ESR1: variants seen among roughly 807,000 people sequenced by gnomAD.
ESR1 encodes estrogen receptor.
In ESR1, 12 loss-of-function variants were observed where a neutral mutation model predicts 52.7. That is an observed-to-expected ratio of 0.23 (90% CI 0.15 to 0.37). ESR1 has a LOEUF of 0.37. ESR1 is among the 10% of genes least tolerant of loss of function. The pLI, the probability that ESR1 is intolerant of heterozygous loss-of-function variation, is 1.00. For missense variants in ESR1, 584 were observed against 779.7 expected (o/e 0.75, Z 2.99); for synonymous variants, 305 against 316.8 (o/e 0.96, Z 0.39).
At chr6:152,120,909 T>TA (rs1164670767) in intron 6 of ESR1, among the ~76,000 whole-genome samples, 1 of 152,190 alleles carries the variant, frequency 6.6e-6, no homozygotes, top group African/African-American at 2.4e-5. Context: ...TTTGTAAACT[T>TA]AAATACCTCT....
At chr6:152,087,407 C>T (rs1193071089) in intron 6 of ESR1, among the ~76,000 whole-genome samples, 2 of 152,198 alleles carry the variant, frequency 1.3e-5, no homozygotes, top group Admixed American at 6.5e-5. Context: ...AAATACTTCT[C>T]ATCTTGCATT....
intron 2 of ESR1, among the ~76,000 whole-genome samples, chr6:151,731,830 T>C (rs1562363307): frequency 6.6e-6 from 1 of 152,196 alleles, no homozygotes; most frequent in Non-Finnish European, 1.5e-5. Flanking sequence ...AGGTTAAATC[T>C]ACAGTTATGT....
At chr6:151,866,827 C>G (rs1311788683) in intron 2 of ESR1, among the ~76,000 whole-genome samples, 1 of 152,128 alleles carries the variant, frequency 6.6e-6, no homozygotes, top group Non-Finnish European at 1.5e-5. Context: ...ATTTATAATC[C>G]TTTGGGTATA....
chr6:151,819,811 G>A (rs77139484), intron 1 of ESR1, among the ~76,000 whole-genome samples: 1,593 of 152,202 alleles, frequency 0.01, 26 homozygotes, highest in African/African-American at 0.037. Context: ...CCATGAAACC[G>A]GTCATGGAAC....
intron 4 of ESR1, among the ~76,000 whole-genome samples, chr6:151,968,781 G>A (rs926239506): frequency 6.6e-5 from 10 of 152,156 alleles, no homozygotes; most frequent in Middle Eastern, 3.4e-3. Flanking sequence ...ATTTCCTCTC[G>A]CAGGCACACC....
intron 4 of ESR1, among the ~76,000 whole-genome samples, chr6:151,983,099 G>A (rs537966916): frequency 7.9e-5 from 12 of 152,146 alleles, no homozygotes; most frequent in South Asian, 6.2e-4. Context: ...TTCAATAGTC[G>A]CAGGTGGCCA....
At chr6:152,026,714 G>T (rs1437699851) in intron 5 of ESR1, among the ~76,000 whole-genome samples, 1 of 151,856 alleles carries the variant, frequency 6.6e-6, no homozygotes, top group African/African-American at 2.4e-5. Flanking sequence ...TTAGATTTAT[G>T]CATACTTAGT....
At chr6:151,901,450 G>T (rs1419176169) in intron 3 of ESR1, among the ~76,000 whole-genome samples, 1 of 152,070 alleles carries the variant, frequency 6.6e-6, no homozygotes, top group Non-Finnish European at 1.5e-5. Context: ...CCAAGTTCTG[G>T]CCAGGTGACT....
intron 3 of ESR1, among the ~76,000 whole-genome samples, chr6:151,923,973 G>A (rs2032200599): frequency 6.6e-6 from 1 of 152,204 alleles, no homozygotes; most frequent in Admixed American, 6.5e-5. Context: ...GTCAGCATTT[G>A]ATTTTTGTCA....
chr6:151,803,379 C>T (rs1381738463), upstream of ESR1, among the ~76,000 whole-genome samples: 2 of 152,104 alleles, frequency 1.3e-5, no homozygotes, highest in Admixed American at 6.5e-5. Flanking sequence ...ATGCTTTCCC[C>T]TGACAAGCCA....
intron 1 of ESR1, among the ~76,000 whole-genome samples, chr6:151,833,531 G>A (rs764514995): frequency 2.4e-4 from 36 of 152,090 alleles, no homozygotes; most frequent in Middle Eastern, 3.2e-3. Flanking sequence ...GGTGTGGCAG[G>A]CATGGATTTG....
intron 2 of ESR1, among the ~76,000 whole-genome samples, chr6:151,852,998 C>A (rs1583682719): frequency 1.3e-5 from 2 of 150,862 alleles, no homozygotes; most frequent in East Asian, 3.9e-4. Context: ...ATGATGAAAC[C>A]CCGTCTCTAC....
intron 1 of ESR1, among the ~76,000 whole-genome samples, chr6:151,839,519 T>C (rs62442055): frequency 0.011 from 1,671 of 152,266 alleles, 14 homozygotes; most frequent in Non-Finnish European, 0.019. Context: ...AAAATCTGGG[T>C]CTTGAAGAAA....
At chr6:151,957,085 G>A (rs371917696) in intron 4 of ESR1, among the ~76,000 whole-genome samples, 1 of 151,512 alleles carries the variant, frequency 6.6e-6, no homozygotes, top group Non-Finnish European at 1.5e-5. Flanking sequence ...CACTGTGTTA[G>A]CCAGGATGGT....
At chr6:151,754,881 G>C (rs1784162431) in intron 2 of ESR1, among the ~76,000 whole-genome samples, 1 of 152,218 alleles carries the variant, frequency 6.6e-6, no homozygotes, top group East Asian at 1.9e-4. Flanking sequence ...ATCTCCACTG[G>C]GATTTCTAAG....
intron 4 of ESR1, among the ~76,000 whole-genome samples, chr6:151,968,807 G>A (rs747067096): frequency 6.6e-5 from 10 of 152,134 alleles, no homozygotes; most frequent in South Asian, 2.1e-4. Context: ...GCTGGTGGGA[G>A]CAACTTGGGC....
At chr6:152,012,629 G>T (rs2042870548) in intron 5 of ESR1, among the ~76,000 whole-genome samples, 1 of 152,146 alleles carries the variant, frequency 6.6e-6, no homozygotes, top group South Asian at 2.1e-4. Context: ...TCTGGCTCCG[G>T]TATGCTCTGT....
intron 1 of ESR1, among the ~76,000 whole-genome samples, chr6:151,834,587 A>G (rs1050602604): frequency 6.6e-6 from 1 of 152,142 alleles, no homozygotes; most frequent in African/African-American, 2.4e-5. Flanking sequence ...ATTAGGAGAA[A>G]TACCAAATGT....
chr6:152,046,112 C>T (rs1022836960), intron 5 of ESR1, among the ~76,000 whole-genome samples: 12 of 152,150 alleles, frequency 7.9e-5, no homozygotes, highest in Admixed American at 3.3e-4. Context: ...TAAAACAGGA[C>T]GTTGATTCTG....
Sources: gnomAD v4.1 joint callset for allele counts (sites outside exome capture counted in the v4.1 genomes callset) on GRCh38, gnomAD v4.1.1 for gene constraint, MANE v1.5 for transcripts, NCBI Gene and HGNC (gene_info 2026-07-23, HGNC 2026-07-21) for gene names.